The following PACRG variants were observed in gnomAD, a reference collection of about 807,000 sequenced individuals.
The protein encoded by PACRG is parkin coregulated, also known as parkin coregulated gene protein.
PACRG carries 29 observed loss-of-function variants against 29.7 expected under a neutral mutation model. That is an observed-to-expected ratio of 0.98 (90% CI 0.73 to 1.33). The LOEUF (loss-of-function observed/expected upper bound fraction) is 1.33, where lower values mean the gene tolerates loss of function less well. Ranked by LOEUF, PACRG falls within the 40% of genes most tolerant of loss-of-function variation. The pLI, the probability that PACRG is intolerant of heterozygous loss-of-function variation, is 0.00. For missense variants in PACRG, 279 were observed against 316.2 expected, an observed-to-expected ratio of 0.88 and a Z score of 0.89; for synonymous variants, 116 against 118.7, an observed-to-expected ratio of 0.98 and a Z score of 0.15.
chr6:163,310,259 C>G (rs1183727089), intron 4 of PACRG: 1 of 152,116 alleles, frequency 6.6e-6, no homozygotes, highest in Non-Finnish European at 1.5e-5. Flanking sequence ...GTTCAGAGTT[C>G]TCAAGACGCA....
intron 3 of PACRG, among the ~76,000 whole-genome samples, chr6:163,065,470 G>A (rs1300188657): frequency 1.3e-5 from 2 of 152,134 alleles, no homozygotes; most frequent in African/African-American, 4.8e-5. Context: ...CAAAACAGCG[G>A]TCAAGAGGGC....
chr6:162,759,579 G>T (rs559752897), intron 1 of PACRG, among the ~76,000 whole-genome samples: 2 of 152,072 alleles, frequency 1.3e-5, no homozygotes, highest in Non-Finnish European at 2.9e-5. Context: ...TATTCTCCCA[G>T]CTTTACTAAT....
chr6:163,046,849 A>G (rs1185566931), intron 2 of PACRG, among the ~76,000 whole-genome samples: 1 of 152,254 alleles, frequency 6.6e-6, no homozygotes, highest in Admixed American at 6.5e-5. Flanking sequence ...TTGATTAAGA[A>G]ATATAAAGCA....
chr6:162,754,460 T>C (rs1781743221), intron 1 of PACRG, among the ~76,000 whole-genome samples: 1 of 152,206 alleles, frequency 6.6e-6, no homozygotes. Context: ...AGAAACTTTT[T>C]AGTTTGATGC....
At chr6:163,249,617 C>G (rs1162283717) in intron 4 of PACRG, among the ~76,000 whole-genome samples, 2 of 152,178 alleles carry the variant, frequency 1.3e-5, no homozygotes, top group Non-Finnish European at 2.9e-5. Context: ...TTATTAGATT[C>G]CATGGGACCT....
At chr6:162,867,783 C>A (rs147061939) in intron 2 of PACRG, among the ~76,000 whole-genome samples, 1 of 152,222 alleles carries the variant, frequency 6.6e-6, no homozygotes, top group East Asian at 1.9e-4. Flanking sequence ...AGAACAGGCC[C>A]GGTTTTCTCC....
chr6:162,750,121 C>T (rs1004820722), intron 1 of PACRG, among the ~76,000 whole-genome samples: 2 of 152,090 alleles, frequency 1.3e-5, no homozygotes, highest in African/African-American at 2.4e-5. Flanking sequence ...TGATTTGTTC[C>T]GTGTACATAA....
At chr6:162,854,645 C>T (rs1791217570) in intron 2 of PACRG, among the ~76,000 whole-genome samples, 1 of 152,166 alleles carries the variant, frequency 6.6e-6, no homozygotes, top group Non-Finnish European at 1.5e-5. Context: ...GATGGTGTAA[C>T]TGACATTCAT....
intron 2 of PACRG, among the ~76,000 whole-genome samples, chr6:162,857,539 A>G (rs1562669713): frequency 1.3e-5 from 2 of 152,208 alleles, no homozygotes; most frequent in African/African-American, 2.4e-5. Context: ...TCATGCACCC[A>G]GGAAGGCTAT....
At chr6:163,197,603 C>T in intron 4 of PACRG, among the ~76,000 whole-genome samples, 1 of 132,540 alleles carries the variant, frequency 7.5e-6, no homozygotes, top group Non-Finnish European at 1.6e-5. Context: ...GCCACCACGC[C>T]CGGCTAATTT....
chr6:163,145,020 G>T (rs543438596), intron 4 of PACRG, among the ~76,000 whole-genome samples: 1 of 152,134 alleles, frequency 6.6e-6, no homozygotes, highest in Admixed American at 6.5e-5. Flanking sequence ...TCATGCTTCA[G>T]CTCTGAGCTT....
chr6:163,227,353 C>T (rs7761555), intron 4 of PACRG, among the ~76,000 whole-genome samples: 2,513 of 152,250 alleles, frequency 0.017, 14 homozygotes, highest in East Asian at 0.034. Context: ...GGGATGGCAC[C>T]CAGCCATGAG....
chr6:162,958,921 A>G (rs906187094), intron 2 of PACRG, among the ~76,000 whole-genome samples: 2 of 134,950 alleles, frequency 1.5e-5, no homozygotes, highest in Admixed American at 7.4e-5. Context: ...AGAGAGAGAG[A>G]GAGAGAGAGA....
chr6:163,195,975 T>G (rs1221603511), intron 4 of PACRG, among the ~76,000 whole-genome samples: 1 of 152,134 alleles, frequency 6.6e-6, no homozygotes, highest in Non-Finnish European at 1.5e-5. Context: ...TCCCTCTTGC[T>G]CTTTCTGGAG....
chr6:163,179,147 A>G (rs944678429), intron 4 of PACRG: 5 of 452,684 alleles, frequency 1.1e-5, no homozygotes, highest in Admixed American at 9.4e-5. Context: ...GTGGTTTTAT[A>G]GTGGAAAGCT....
intron 3 of PACRG, among the ~76,000 whole-genome samples, chr6:163,068,506 C>G (rs1233658503): frequency 6.7e-6 from 1 of 149,728 alleles, no homozygotes; most frequent in African/African-American, 2.5e-5. Flanking sequence ...ATCAATTTTC[C>G]CAGGAAATTT....
At chr6:162,764,330 CA>C (rs2128294915) in intron 1 of PACRG, among the ~76,000 whole-genome samples, 1 of 152,106 alleles carries the variant, frequency 6.6e-6, no homozygotes, top group South Asian at 2.1e-4. Context: ...AATTTCATTG[CA>C]AAAATTATGT....
chr6:163,204,243 G>A (rs1467001576), intron 4 of PACRG, among the ~76,000 whole-genome samples: 1 of 152,130 alleles, frequency 6.6e-6, no homozygotes, highest in Admixed American at 6.5e-5. Flanking sequence ...TGGCCTCAAG[G>A]TAATTTTCCT....
At chr6:162,917,152 C>A (rs759862574) in intron 2 of PACRG, among the ~76,000 whole-genome samples, 1 of 152,096 alleles carries the variant, frequency 6.6e-6, no homozygotes, top group South Asian at 2.1e-4. Context: ...TTGAGAAACT[C>A]GCTTAATCTG....
Sources: gnomAD v4.1 joint callset for allele counts (sites outside exome capture counted in the v4.1 genomes callset) on GRCh38, gnomAD v4.1.1 for gene constraint, MANE v1.5 for transcripts, NCBI Gene and HGNC (gene_info 2026-07-23, HGNC 2026-07-21) for gene names.